ASAH1: variants seen among roughly 807,000 people sequenced by gnomAD.
ASAH1 encodes the protein acid ceramidase.
Under a neutral mutation model 59.5 loss-of-function variants are expected in ASAH1, and 70 were observed. The observed-to-expected ratio is 1.18, with a 90% CI of 0.97 to 1.43. The LOEUF is 1.43. ASAH1 is among the 40% of genes most tolerant of loss of function. The probability of loss-of-function intolerance (pLI) is 0.00; values close to 1 mark genes in which losing one functional copy is unlikely to be tolerated. For synonymous variants in ASAH1, 213 were observed against 166.5 expected (o/e 1.28, Z -2.15); for missense variants, 660 against 482.5 (o/e 1.37, Z -3.45).
At chr8:18,058,588 C>A (rs533656143) in intron 13 of ASAH1, 3 of 516,070 alleles carry the variant, frequency 5.8e-6, no homozygotes, top group East Asian at 3.3e-5. Flanking sequence ...AAAATGCTAG[C>A]CTTAATTCAA....
intron 1 of ASAH1, among the ~76,000 whole-genome samples, chr8:18,077,903 T>C (rs1216173705): frequency 5.9e-5 from 9 of 152,226 alleles, no homozygotes. Context: ...GAGTTGGGAA[T>C]ACTGTGATGG....
At chr8:18,076,270 C>A (rs561113551) in intron 1 of ASAH1, 1 of 154,692 alleles carries the variant, frequency 6.5e-6, no homozygotes, top group East Asian at 1.9e-4. Context: ...AATATTCATA[C>A]CCTCCTTTCC....
intron 1 of ASAH1, among the ~76,000 whole-genome samples, chr8:18,080,569 T>C (rs887443859): frequency 4.6e-5 from 7 of 152,220 alleles, no homozygotes; most frequent in Non-Finnish European, 8.8e-5. Flanking sequence ...TTTTTGTTTT[T>C]GTTTTCTGTG....
chr8:18,066,977 T>C, intron 5 of ASAH1: 1 of 413,246 alleles, frequency 2.4e-6, no homozygotes, highest in Non-Finnish European at 4.3e-6. Flanking sequence ...GAGGCAGTAT[T>C]TTCTGCAAAG....
Position 18,059,391 on chromosome 8 carries a change from C to T in ASAH1, c.991G>A (p.Asp331Asn), listed in dbSNP as rs1354060089. 6.2e-7 allele frequency: 1 copy of T among 1,614,208 alleles called. No homozygotes were observed. Among genetic ancestry groups the T allele is most frequent in the Non-Finnish European group, 8.5e-7 (1 of 1,180,034 alleles). ...YDRWKHPFFL[D>N]DRRTPAKMCL... ...ATCTTTGCAGGCGTTCTGCGATCAT[C>T]AAGGAAGAAGGGATGTTTCCAACGG... The change falls in exon 12 of 14, where the codon GAT (aspartate) becomes AAT (asparagine). Residue 331 changes from aspartate to asparagine, a missense_variant. Asp to Asn is a conservative substitution (Grantham distance 23, BLOSUM62 1). Transcript: ENST00000637790.
chr8:18,079,274 G>GA (rs3831581), intron 1 of ASAH1, among the ~76,000 whole-genome samples: 53,669 of 114,876 alleles, frequency 0.47, 11,998 homozygotes, highest in Non-Finnish European at 0.53. Context: ...CTCCATCTCA[G>GA]AAAAAAAAAA....
intron 1 of ASAH1, among the ~76,000 whole-genome samples, chr8:18,077,066 T>C (rs1800432508): frequency 6.6e-6 from 1 of 152,190 alleles, no homozygotes; most frequent in Non-Finnish European, 1.5e-5. Context: ...GTCTCAACTG[T>C]GAACTCAAAG....
At position 18,059,622 on chromosome 8, in the gene ASAH1, C is replaced by T; in HGVS notation, c.867G>A (p.Gly289=). The change falls in exon 11 of 14, where the codon GGG becomes GGA. Residue 289 remains glycine (G), a synonymous_variant. Coordinates refer to ENST00000637790, the MANE Select transcript of ASAH1 (RefSeq NM_177924.5). Reference sequence around the variant, plus strand: ...TGTCTCGTGTAATCACACAACCTTCCCCAGACTGGTTGCCTCCCAGGATAA... The same window carrying T: ...TGTCTCGTGTAATCACACAACCTTCTCCAGACTGGTTGCCTCCCAGGATAA... ...AYFILGGNQS[G]EGCVITRDRK... 1 of 1,614,182 alleles carries T rather than the reference C, an allele frequency of 6.2e-7. No individual in the cohort carries two copies. Among genetic ancestry groups the T allele is most frequent in the Non-Finnish European group, 8.5e-7 (1 of 1,180,030 alleles).
chr8:18,076,083 T>A (rs1368683128), intron 1 of ASAH1: 1 of 187,792 alleles, frequency 5.3e-6, no homozygotes, highest in Non-Finnish European at 1.1e-5. Context: ...CTCCCCTTAG[T>A]ATTTATAGCC....
intron 10 of ASAH1, chr8:18,059,949 G>A (rs1799624073): frequency 7.4e-6 from 3 of 405,388 alleles, no homozygotes; most frequent in East Asian, 1.1e-4. Flanking sequence ...CCCCCTGACA[G>A]GCCCTGGTGC....
In ASAH1 at chr8:18,075,566, A is replaced by G. The variant is rs1800369463; in HGVS notation, c.100T>C (p.Ser34Pro). Residue 34 changes from serine to proline, a missense_variant, in exon 2 of 14, where the codon TCA becomes CCA. Coordinates refer to ENST00000637790, the MANE Select transcript of ASAH1 (RefSeq NM_177924.5). ...GTTGGTCCTGAAGGAGGATAGGTTG[A>G]TTTTCTGCAGTCCTCTGTCCACTGA... The part of the protein sequence containing the change: ...APPWTEDCRK[S>P]TYPPSGPTYR... The G allele has an allele frequency of 1.9e-6, 3 of 1,614,038 alleles. No homozygotes were observed. The highest frequency in any genetic ancestry group is 1.6e-4 in the Middle Eastern group (1 of 6,084).
At chr8:18,070,401 G>A (rs1019010571) in intron 3 of ASAH1, among the ~76,000 whole-genome samples, 2 of 152,028 alleles carry the variant, frequency 1.3e-5, no homozygotes, top group Non-Finnish European at 2.9e-5. Flanking sequence ...ACCCGCCTCG[G>A]CCTCCCAAAG....
At chr8:18,071,422 T>G (rs751474757) in intron 2 of ASAH1, 32 bp from the exon 3 acceptor site, 2 of 1,392,026 alleles carry the variant, frequency 1.4e-6, no homozygotes, top group African/African-American at 2.8e-5. Flanking sequence ...CTTGAAATGA[T>G]GAAAGGGTTT....
At position 18,083,921 on chromosome 8, in the gene ASAH1, G is replaced by A. The variant is rs577448214; in HGVS notation, c.78+60C>T. On this transcript the variant is annotated intron_variant, in intron 1 of 13. Coordinates refer to ENST00000637790, the MANE Select transcript of ASAH1 (RefSeq NM_177924.5). ...TACCCGCTCGCGCCGCCACACCTGC[G>A]CCTCCATCCGCGCCCGCACCTGCAC... is the stretch of plus-strand genomic sequence containing the variant. 76 of 1,557,768 alleles carry A rather than the reference G, an allele frequency of 4.9e-5. No homozygotes were observed. The Admixed American group carries it at 1.1e-3, about 22-fold the overall frequency.
upstream of ASAH1, chr8:18,084,724 GA>G: frequency 1.2e-6 from 2 of 1,613,748 alleles, no homozygotes; most frequent in Non-Finnish European, 1.7e-6. Context: ...AGGCCTCGGT[GA>G]AAAGCGCGCT....
chr8:18,084,796 G>C (rs763514683), upstream of ASAH1: 3 of 1,613,498 alleles, frequency 1.9e-6, no homozygotes, highest in East Asian at 4.5e-5. Flanking sequence ...CGATGCAGCA[G>C]TTCATTAAGC....
intron 1 of ASAH1, among the ~76,000 whole-genome samples, chr8:18,079,557 G>A (rs1027413135): frequency 2.0e-5 from 3 of 152,132 alleles, no homozygotes; most frequent in Middle Eastern, 3.2e-3. Flanking sequence ...AGAATTAGGA[G>A]ACCCTCAATG....
chr8:18,074,112 G>A (rs1800290829), intron 2 of ASAH1, among the ~76,000 whole-genome samples: 1 of 152,202 alleles, frequency 6.6e-6, no homozygotes. Context: ...ACCTAAAAGG[G>A]AGTAGAAACG....
At chr8:18,080,127 T>C (rs908913296) in intron 1 of ASAH1, among the ~76,000 whole-genome samples, 1 of 152,332 alleles carries the variant, frequency 6.6e-6, no homozygotes, top group South Asian at 2.1e-4. Flanking sequence ...GTGCAATAAA[T>C]TCCTAGGCCA....
Sources: gnomAD v4.1 joint callset for allele counts (sites outside exome capture counted in the v4.1 genomes callset) on GRCh38, gnomAD v4.1.1 for gene constraint, MANE v1.5 for transcripts, NCBI Gene and HGNC (gene_info 2026-07-23, HGNC 2026-07-21) for gene names.